HERPUD2: variants seen among roughly 807,000 people sequenced by gnomAD.
The protein encoded by HERPUD2 is homocysteine-responsive endoplasmic reticulum-resident ubiquitin-like domain member 2 protein.
In HERPUD2, 13 loss-of-function variants were observed where a neutral mutation model predicts 49.9. That is an observed-to-expected ratio of 0.26 (90% confidence interval 0.17 to 0.41). The LOEUF is 0.41. HERPUD2 is among the 10% of genes least tolerant of loss of function. HERPUD2 has a pLI of 1.00. For synonymous variants in HERPUD2, 172 were observed against 171.4 expected (o/e 1.00, Z -0.03); for missense variants, 449 against 492.2 (o/e 0.91, Z 0.83).
intron 6 of HERPUD2, among the ~76,000 whole-genome samples, chr7:35,637,930 T>C (rs1784897392): frequency 6.6e-6 from 1 of 152,222 alleles, no homozygotes; most frequent in African/African-American, 2.4e-5. Context: ...ATGCTAGGAC[T>C]GTTCCATGCT....
At chr7:35,648,545 T>C (rs1430973804) in intron 5 of HERPUD2, among the ~76,000 whole-genome samples, 1 of 152,232 alleles carries the variant, frequency 6.6e-6, no homozygotes, top group Non-Finnish European at 1.5e-5. Flanking sequence ...CAGCACCTGA[T>C]GTAATTTTGC....
chr7:35,634,736 C>T (rs1784842369), intron 7 of HERPUD2, among the ~76,000 whole-genome samples: 1 of 151,942 alleles, frequency 6.6e-6, no homozygotes, highest in African/African-American at 2.4e-5. Flanking sequence ...TTTGTTTGCC[C>T]CTTGGAGAGA....
intron 2 of HERPUD2, among the ~76,000 whole-genome samples, chr7:35,677,155 T>C (rs1785781290): frequency 6.6e-6 from 1 of 152,230 alleles, no homozygotes; most frequent in Middle Eastern, 3.2e-3. Context: ...GCCCTTACAA[T>C]GCTTAACAAC....
chr7:35,667,232 C>A (rs1785554941), intron 5 of HERPUD2, among the ~76,000 whole-genome samples: 1 of 152,194 alleles, frequency 6.6e-6, no homozygotes, highest in African/African-American at 2.4e-5. Context: ...ATTGAAAGCA[C>A]TGCCCTACAT....
intron 2 of HERPUD2, among the ~76,000 whole-genome samples, chr7:35,674,753 C>T (rs1304812132): frequency 1.3e-5 from 2 of 150,764 alleles, no homozygotes; most frequent in African/African-American, 2.4e-5. Context: ...GCCTACCTAA[C>T]GAAGCTTCCA....
chr7:35,675,347 A>G (rs1054035379), intron 2 of HERPUD2, among the ~76,000 whole-genome samples: 2 of 152,234 alleles, frequency 1.3e-5, no homozygotes, highest in Non-Finnish European at 2.9e-5. Flanking sequence ...ATGGCAAACT[A>G]TATGACCATA....
chr7:35,657,922 A>G (rs1785317024), intron 5 of HERPUD2, among the ~76,000 whole-genome samples: 1 of 135,622 alleles, frequency 7.4e-6, no homozygotes, highest in Non-Finnish European at 1.6e-5. Flanking sequence ...ACTCTGTCTC[A>G]AAAAAAAAAA....
chr7:35,689,406 A>C (rs868738847), intron 2 of HERPUD2, among the ~76,000 whole-genome samples: 47 of 152,252 alleles, frequency 3.1e-4, no homozygotes, highest in African/African-American at 1.0e-3. Context: ...TATTTTGTTT[A>C]TGGATTATAG....
intron 5 of HERPUD2, among the ~76,000 whole-genome samples, chr7:35,652,614 CAGGAAGGAAAGAA>C (rs1276204801): frequency 1.6e-5 from 2 of 128,294 alleles, no homozygotes; most frequent in South Asian, 2.4e-4. Context: ...GAAAGAAAGG[CAGGAAGGAAAGAA>C]AGGAAGGAAA....
At position 35,673,230 on chromosome 7, in the gene HERPUD2, G is replaced by A. The variant is rs150332990; in HGVS notation, c.196C>T (p.His66Tyr). Residue 66 changes from histidine to tyrosine, a missense_variant, in exon 3 of 9, where the codon CAT becomes TAT. His to Tyr is a moderately conservative substitution (Grantham distance 83). Coordinates refer to ENST00000311350, the MANE Select transcript of HERPUD2 (RefSeq NM_022373.5). ...LVYSGRLLPDHLQLKDILRKQ... is the reference protein window; with the variant it reads ...LVYSGRLLPDYLQLKDILRKQ... ...CTGAGAATGTCTTTCAGCTGCAGATGATCGGGAAGCAGTCTGCCCGAATAC... is the reference window on the plus strand; with the variant it reads ...CTGAGAATGTCTTTCAGCTGCAGATAATCGGGAAGCAGTCTGCCCGAATAC... The A allele has an allele frequency of 5.3e-5, 85 of 1,611,878 alleles. No homozygotes were observed. The highest frequency in any genetic ancestry group is 6.9e-5 in the Non-Finnish European group (81 of 1,178,946).
intron 2 of HERPUD2, among the ~76,000 whole-genome samples, chr7:35,676,042 T>C (rs1185663873): frequency 6.6e-6 from 1 of 152,156 alleles, no homozygotes; most frequent in Non-Finnish European, 1.5e-5. Flanking sequence ...AACAAATAAT[T>C]CCTTAATATG....
At chr7:35,662,258 C>T (rs1306990537) in intron 5 of HERPUD2, among the ~76,000 whole-genome samples, 5 of 152,194 alleles carry the variant, frequency 3.3e-5, no homozygotes, top group Non-Finnish European at 7.3e-5. Context: ...TTTTGATGTG[C>T]TGCTGGATTC....
At chr7:35,673,323 C>A in intron 2 of HERPUD2, 45 bp from the exon 3 acceptor site, 1 of 1,458,008 alleles carries the variant, frequency 6.9e-7, no homozygotes, top group Non-Finnish European at 9.5e-7. Context: ...TCTAATTATG[C>A]AAATTGAAGG....
chr7:35,670,364 C>T, intron 3 of HERPUD2, 36 bp from the exon 4 acceptor site: 3 of 1,023,338 alleles, frequency 2.9e-6, no homozygotes, highest in Admixed American at 2.4e-5. Flanking sequence ...AAGGGTAGTA[C>T]TACAAAATGT....
At chr7:35,657,760 A>C (rs1165837595) in intron 5 of HERPUD2, among the ~76,000 whole-genome samples, 1 of 151,498 alleles carries the variant, frequency 6.6e-6, no homozygotes, top group Non-Finnish European at 1.5e-5. Flanking sequence ...AATACAAAAA[A>C]AAAAAAAAAT....
chr7:35,669,566 T>C (rs1480522834), intron 4 of HERPUD2, among the ~76,000 whole-genome samples: 1 of 152,166 alleles, frequency 6.6e-6, no homozygotes, highest in Non-Finnish European at 1.5e-5. Context: ...CATAAAAGGA[T>C]TGGGGACAAT....
chr7:35,678,288 A>T, intron 2 of HERPUD2, among the ~76,000 whole-genome samples: 1 of 150,808 alleles, frequency 6.6e-6, no homozygotes, highest in Non-Finnish European at 1.5e-5. Context: ...TTCAAGTCTC[A>T]GTTTTTTTGT....
intron 5 of HERPUD2, among the ~76,000 whole-genome samples, chr7:35,649,397 T>C (rs554944337): frequency 5.9e-5 from 9 of 152,334 alleles, no homozygotes; most frequent in Non-Finnish European, 1.5e-5. Flanking sequence ...GGATAGTTAC[T>C]AAAACGTTAG....
chr7:35,651,668 A>G (rs1219246352), intron 5 of HERPUD2, among the ~76,000 whole-genome samples: 1 of 152,214 alleles, frequency 6.6e-6, no homozygotes, highest in Non-Finnish European at 1.5e-5. Flanking sequence ...GATAGAAGAA[A>G]CATGAAAAAG....
Sources: gnomAD v4.1 joint callset for allele counts (sites outside exome capture counted in the v4.1 genomes callset) on GRCh38, gnomAD v4.1.1 for gene constraint, MANE v1.5 for transcripts, NCBI Gene and HGNC (gene_info 2026-07-23, HGNC 2026-07-21) for gene names.